The following SPTY2D1 variants were observed in gnomAD, a reference collection of about 807,000 sequenced individuals.
The protein encoded by SPTY2D1 is SPT2 chromatin protein domain containing 1.
In SPTY2D1, 21 loss-of-function variants were observed where a neutral mutation model predicts 64.0. The observed-to-expected ratio is 0.33, with a 90% confidence interval of 0.23 to 0.47. The LOEUF (loss-of-function observed/expected upper bound fraction) is 0.47. SPTY2D1 is among the 20% of genes least tolerant of loss of function. The pLI, the probability that SPTY2D1 is intolerant of heterozygous loss-of-function variation, is 1.00. For missense variants in SPTY2D1, 724 were observed against 837.2 expected (o/e 0.86, Z 1.67); for synonymous variants, 287 against 286.8 (o/e 1.00, Z -0.01).
intron 3 of SPTY2D1, among the ~76,000 whole-genome samples, chr11:18,613,398 A>G (rs1432357731): frequency 6.6e-6 from 1 of 152,150 alleles, no homozygotes; most frequent in Non-Finnish European, 1.5e-5. Context: ...TTGTTCTTCT[A>G]CGGTTGTTTT....
At chr11:18,632,831 A>T (rs906345612) in intron 1 of SPTY2D1, among the ~76,000 whole-genome samples, 16 of 152,216 alleles carry the variant, frequency 1.1e-4, no homozygotes, top group Non-Finnish European at 1.9e-4. Flanking sequence ...ATTCTTCCAC[A>T]GAACAGTACT....
chr11:18,631,457 TGAGGCAGGAGAATGGCTTGAACCTGC>T (rs1201022000), intron 1 of SPTY2D1, among the ~76,000 whole-genome samples: 1 of 151,870 alleles, frequency 6.6e-6, no homozygotes, highest in East Asian at 1.9e-4. Context: ...CTCAGGAGGC[TGAGGCAGGAGAATGGCTTGAACCTGC>T]GAGGCGGAGC....
rs569387737 is a variant in SPTY2D1 at position 18,615,000 on chromosome 11, G to A, written c.1274C>T (p.Ser425Phe). The part of the protein sequence containing the change: ...SKKPTNDSNP[S>F]RRTVSGTCGP... ...ACATGTACCACTGACTGTCCGCCTA[G>A]AGGGATTTGAGTCATTGGTTGGCTT... The change falls in exon 3 of 6, where the codon TCT becomes TTT. Residue 425 changes from serine (S) to phenylalanine (F), a missense_variant. Physicochemically the swap from Ser to Phe is radical, Grantham distance 155. Coordinates refer to ENST00000336349, the MANE Select transcript of SPTY2D1 (RefSeq NM_194285.3). The A allele has an allele frequency of 3.1e-6, 5 of 1,614,166 alleles. No individual in the cohort carries two copies. Among genetic ancestry groups the A allele is most frequent in the Non-Finnish European group, 4.2e-6 (5 of 1,180,052 alleles).
At chr11:18,614,395 A>G (rs533653223) in intron 3 of SPTY2D1, among the ~76,000 whole-genome samples, 168 bp downstream of exon 3, 1 of 152,342 alleles carries the variant, frequency 6.6e-6, no homozygotes, top group South Asian at 2.1e-4. Context: ...AAAACAAAAA[A>G]ACAAGGAACT....
intron 1 of SPTY2D1, among the ~76,000 whole-genome samples, chr11:18,621,565 G>A (rs11024737): frequency 6.6e-6 from 1 of 151,814 alleles, no homozygotes; most frequent in Non-Finnish European, 1.5e-5. Context: ...TAATCATTAA[G>A]GATACTTAAG....
chr11:18,627,945 G>T (rs1226520942), intron 1 of SPTY2D1, among the ~76,000 whole-genome samples: 1 of 152,152 alleles, frequency 6.6e-6, no homozygotes, highest in African/African-American at 2.4e-5. Flanking sequence ...CTACTCGGGA[G>T]TCTGAGGCAG....
At position 18,614,714 on chromosome 11, in the gene SPTY2D1, A is replaced by G; in HGVS notation, c.1560T>C (p.Pro520=). 3 of 1,614,246 alleles carry G rather than the reference A, an allele frequency of 1.9e-6. No homozygotes were observed. Among genetic ancestry groups the G allele is most frequent in the Non-Finnish European group, 2.5e-6 (3 of 1,180,022 alleles). ...VPGRPVSSLG[P]GQTVSSSGPT... The stretch of plus-strand genomic sequence containing the variant: ...GACCTGAGCTACTAACTGTTTGCCC[A>G]GGTCCCAAGCTGCTCACTGGTCTTC... Residue 520 remains proline (P), a synonymous_variant, in exon 3 of 6, where the codon CCT becomes CCC. Transcript: ENST00000336349.
intron 1 of SPTY2D1, among the ~76,000 whole-genome samples, chr11:18,620,589 A>G (rs1237604887): frequency 1.3e-5 from 2 of 152,092 alleles, no homozygotes; most frequent in Non-Finnish European, 2.9e-5. Context: ...AATTCATATA[A>G]AAATACATAC....
At chr11:18,619,456 TA>T (rs562811444) in intron 1 of SPTY2D1, among the ~76,000 whole-genome samples, 4,231 of 114,650 alleles carry the variant, frequency 0.037, 82 homozygotes, top group African/African-American at 0.072. Context: ...CTCATCTCTT[TA>T]AAAAAAAAAA....
chr11:18,631,415 G>A (rs1854585393), intron 1 of SPTY2D1, among the ~76,000 whole-genome samples: 1 of 151,918 alleles, frequency 6.6e-6, no homozygotes, highest in African/African-American at 2.4e-5. Context: ...AAATTAACTG[G>A]GCGTGGTGGT....
intron 2 of SPTY2D1, 147 bp from the exon 3 acceptor site, chr11:18,616,245 TC>T (rs1935470130): frequency 4.1e-6 from 3 of 734,316 alleles, no homozygotes; most frequent in Middle Eastern, 7.0e-4. Context: ...AATTGAGTCA[TC>T]TTTACATAAT....
intron 1 of SPTY2D1, among the ~76,000 whole-genome samples, chr11:18,621,868 C>T (rs971426624): frequency 6.6e-6 from 1 of 151,946 alleles, no homozygotes; most frequent in African/African-American, 2.4e-5. Flanking sequence ...GAGAGGATCG[C>T]TTGAGCACAG....
rs1183270692 is a variant in SPTY2D1, at chr11:18,608,420, T to TAAGGA, written c.*1440_*1441insTCCTT. ...CCAAAATATTTGGGCTGTTGAAGTA[T>TAAGGA]AAGGGCCTGTTGTAGGACAATCCCT... On this transcript the variant is annotated 3_prime_UTR_variant, in exon 6 of 6. Coordinates refer to ENST00000336349, the MANE Select transcript of SPTY2D1 (RefSeq NM_194285.3). 3.9e-5 allele frequency: 6 copies of TAAGGA among 152,314 alleles called. No individual in the cohort carries two copies. Among genetic ancestry groups the TAAGGA allele is most frequent in the African/African-American group, 1.4e-4 (6 of 41,450 alleles). The allele number at this position is 152,314 out of a possible 1,614,324, so 9.4% of individuals were successfully genotyped here. A position where few individuals can be genotyped will look rare whatever the true frequency, so the allele number is the denominator to read the frequency against.
rs552873866 is a variant in SPTY2D1, at chr11:18,633,250, G to C, written c.60+948C>G. Among the ~76,000 whole-genome samples the C allele has an allele frequency of 3.3e-5, 5 of 152,238 alleles. No individual in the cohort carries two copies. The South Asian group carries it at 1.0e-3, about 32-fold the overall frequency. ...GAATATTGCAATATACGAATATCTA[G>C]GAAATGCAGAGCACTTCGTCGGAGC... On this transcript the variant is annotated intron_variant, in intron 1 of 5. Coordinates refer to ENST00000336349, the MANE Select transcript of SPTY2D1 (RefSeq NM_194285.3).
chr11:18,620,245 C>T (rs553240694), intron 1 of SPTY2D1, among the ~76,000 whole-genome samples: 14 of 152,120 alleles, frequency 9.2e-5, no homozygotes, highest in Non-Finnish European at 1.8e-4. Context: ...GAGGACAAGG[C>T]GGGCAGATCA....
rs1405947215 is a variant in SPTY2D1 at position 18,615,112 on chromosome 11, G to A, written c.1162C>T (p.Arg388Ter). 1 of 1,614,146 alleles carries A rather than the reference G, an allele frequency of 6.2e-7. No homozygotes were observed. The highest frequency in any genetic ancestry group is 1.7e-5 in the Admixed American group (1 of 60,014). Residue 388 changes from arginine to a stop codon, truncating the protein, a stop_gained, in exon 3 of 6, where the codon CGA (arginine) becomes TGA (stop). Coordinates refer to ENST00000336349, the MANE Select transcript of SPTY2D1 (RefSeq NM_194285.3). LOFTEE classifies it high-confidence loss of function. ...APGQPSTGVA[R>*]PTVSSGPVPR... ...ACAGGGCCAGAACTAACTGTGGGTCGAGCAACCCCTGTGCTGGGCTGCCCA... is the reference window on the plus strand; with the variant it reads ...ACAGGGCCAGAACTAACTGTGGGTCAAGCAACCCCTGTGCTGGGCTGCCCA...
intron 1 of SPTY2D1, among the ~76,000 whole-genome samples, chr11:18,628,724 T>A (rs1345523264): frequency 6.6e-6 from 1 of 152,178 alleles, no homozygotes; most frequent in Non-Finnish European, 1.5e-5. Context: ...GTTATTAAGG[T>A]TAACAGATCC....
chr11:18,609,558 G>T lies in SPTY2D1; in HGVS notation c.*303C>A. On this transcript the variant is annotated 3_prime_UTR_variant, in exon 6 of 6. Coordinates refer to ENST00000336349, the MANE Select transcript of SPTY2D1 (RefSeq NM_194285.3). ...AGTAGCAAAGGAACAATAAAAGATT[G>T]GCTGACTGGTGAGTGGCCCCACATT... 3.3e-6 allele frequency: 1 copy of T among 299,828 alleles called. No homozygotes were observed. Among genetic ancestry groups the T allele is most frequent in the Non-Finnish European group, 6.2e-6 (1 of 162,368 alleles). The allele number at this position is 299,828 out of a possible 1,614,324, so 18.6% of individuals were successfully genotyped here.
intron 1 of SPTY2D1, among the ~76,000 whole-genome samples, chr11:18,626,613 C>G (rs1483243384): frequency 6.6e-6 from 1 of 152,212 alleles, no homozygotes; most frequent in Admixed American, 6.6e-5. Flanking sequence ...ATTCTCTGCT[C>G]TACCATATCT....
Sources: allele counts gnomAD v4.1 joint callset (sites outside exome capture counted in the v4.1 genomes callset), GRCh38; gene constraint gnomAD v4.1.1; transcripts MANE v1.5; gene names NCBI Gene and HGNC (gene_info 2026-07-23, HGNC 2026-07-21).